SUMF1: variants seen among roughly 807,000 people sequenced by gnomAD.
SUMF1 encodes formylglycine-generating enzyme.
SUMF1 carries 48 observed loss-of-function variants against 47.6 expected under a neutral mutation model. That is an observed-to-expected ratio of 1.01 (90% confidence interval 0.80 to 1.28). The LOEUF (loss-of-function observed/expected upper bound fraction) is 1.28, where lower values mean the gene tolerates loss of function less well. Ranked by LOEUF, SUMF1 falls within the 50% of genes most tolerant of loss-of-function variation. The pLI, the probability that SUMF1 is intolerant of heterozygous loss-of-function variation, is 0.00. For missense variants in SUMF1, 571 were observed against 485.4 expected (o/e 1.18, Z -1.66); for synonymous variants, 230 against 192.1 (o/e 1.20, Z -1.63).
Position 4,278,028 on chromosome 3 carries a change from G to T in SUMF1, c.1014+98302C>A, listed in dbSNP as rs561630940. On this transcript the variant is annotated intron_variant and NMD_transcript_variant, in intron 8 of 12. Transcript: ENST00000448413. ...AACTACAAAATGAATTTCTTTTTTC[G>T]CTACAACACAAGAGAGGAGTTTGGT... 2.6e-5 allele frequency among the ~76,000 whole-genome samples: 4 copies of T among 151,816 alleles called. No individual in the cohort carries two copies. The East Asian group carries it at 7.7e-4, about 29-fold the overall frequency.
At chr3:4,192,379 T>C (rs908445286) in intron 8 of SUMF1, among the ~76,000 whole-genome samples, 1 of 152,152 alleles carries the variant, frequency 6.6e-6, no homozygotes, top group Non-Finnish European at 1.5e-5. Flanking sequence ...AAATTATTTC[T>C]AAGGCAACCT....
At chr3:4,227,078 G>T (rs544284012) in intron 8 of SUMF1, among the ~76,000 whole-genome samples, 97 of 152,136 alleles carry the variant, frequency 6.4e-4, no homozygotes, top group African/African-American at 2.3e-3. Context: ...AACAACCCCT[G>T]CCCCATTCTA....
intron 8 of SUMF1, among the ~76,000 whole-genome samples, chr3:4,307,613 A>G (rs1208822626): frequency 1.3e-5 from 2 of 152,234 alleles, no homozygotes; most frequent in Non-Finnish European, 2.9e-5. Context: ...CAGTGCTTCA[A>G]GGATCTGATT....
At chr3:4,265,113 G>T (rs1197539338) in intron 8 of SUMF1, among the ~76,000 whole-genome samples, 1 of 147,626 alleles carries the variant, frequency 6.8e-6, no homozygotes, top group South Asian at 2.2e-4. Flanking sequence ...CTCCAGACTG[G>T]GTGACAGAGC....
chr3:4,110,436 A>G (rs988224095), intron 8 of SUMF1, among the ~76,000 whole-genome samples: 5 of 152,016 alleles, frequency 3.3e-5, no homozygotes, highest in Non-Finnish European at 5.9e-5. Flanking sequence ...ACAGTGCGGC[A>G]ATTCCTCAGG....
At chr3:4,106,003 A>AT (rs111348939) in intron 8 of SUMF1, among the ~76,000 whole-genome samples, 280 of 149,012 alleles carry the variant, frequency 1.9e-3, no homozygotes, top group African/African-American at 2.5e-3. Flanking sequence ...CCTCTACTTC[A>AT]TTTTTTTTTT....
intron 8 of SUMF1, among the ~76,000 whole-genome samples, chr3:4,217,778 G>C (rs551252256): frequency 6.7e-6 from 1 of 150,028 alleles, no homozygotes; most frequent in Admixed American, 6.7e-5. Context: ...CACAAGAAAA[G>C]AATAAGATAT....
At chr3:4,243,494 T>C (rs1273183451) in intron 8 of SUMF1, among the ~76,000 whole-genome samples, 1 of 152,220 alleles carries the variant, frequency 6.6e-6, no homozygotes, top group Non-Finnish European at 1.5e-5. Context: ...AGAACATCTT[T>C]ATTTCTGCCT....
intron 8 of SUMF1, among the ~76,000 whole-genome samples, chr3:4,305,989 G>A (rs1698172477): frequency 6.6e-6 from 1 of 152,190 alleles, no homozygotes; most frequent in Non-Finnish European, 1.5e-5. Context: ...AAAAACCACT[G>A]TTCTAGTCCA....
At chr3:4,114,566 G>T (rs532360666) in intron 8 of SUMF1, among the ~76,000 whole-genome samples, 1 of 152,036 alleles carries the variant, frequency 6.6e-6, no homozygotes, top group Admixed American at 6.6e-5. Flanking sequence ...CATTTTGTAA[G>T]TACTTTAAGT....
At chr3:4,212,466 CA>C (rs1559571616) in intron 8 of SUMF1, among the ~76,000 whole-genome samples, 2 of 152,070 alleles carry the variant, frequency 1.3e-5, no homozygotes. Context: ...GAAACAAGCA[CA>C]AAAAGTCTGA....
At chr3:4,171,235 G>T (rs1694825888) in intron 8 of SUMF1, among the ~76,000 whole-genome samples, 1 of 152,164 alleles carries the variant, frequency 6.6e-6, no homozygotes, top group Non-Finnish European at 1.5e-5. Flanking sequence ...GAGTATTGCA[G>T]ATGCTCTGCG....
At chr3:4,137,926 C>G (rs1484647973) in intron 8 of SUMF1, among the ~76,000 whole-genome samples, 1 of 152,036 alleles carries the variant, frequency 6.6e-6, no homozygotes, top group Non-Finnish European at 1.5e-5. Flanking sequence ...CACACACACA[C>G]ACACACATTA....
rs2819561 is a variant in SUMF1 at position 4,362,083 on chromosome 3, A to G, written c.*61T>C. 0.57 allele frequency: 861,833 copies of G among 1,502,606 alleles called. 252,077 individuals are homozygous for G. Among genetic ancestry groups the G allele is most frequent in the East Asian group, 0.77 (34,071 of 44,168 alleles). The allele number at this position is 1,502,606 out of a possible 1,614,324, so 93.1% of individuals were successfully genotyped here. The stretch of plus-strand genomic sequence containing the variant: ...GCATGGGATCGTTCAAAGTTCTGAG[A>G]AAAGCCCAATGTAGGTCAGACACGA... On this transcript the variant is annotated 3_prime_UTR_variant, in exon 9 of 9. Transcript: ENST00000272902.
At chr3:4,303,419 T>C (rs757683573) in intron 8 of SUMF1, 11 of 1,554,178 alleles carry the variant, frequency 7.1e-6, no homozygotes, top group Non-Finnish European at 9.5e-6. Flanking sequence ...GATGGCGGAG[T>C]TTAAGGAGAA....
At chr3:4,350,752 C>G (rs1367991934) in intron 8 of SUMF1, among the ~76,000 whole-genome samples, 1 of 151,998 alleles carries the variant, frequency 6.6e-6, no homozygotes, top group African/African-American at 2.4e-5. Flanking sequence ...AGGTCACATT[C>G]TCTATCTCCT....
At chr3:4,448,686 C>T (rs1017093922) in intron 3 of SUMF1, among the ~76,000 whole-genome samples, 1 of 152,192 alleles carries the variant, frequency 6.6e-6, no homozygotes, top group African/African-American at 2.4e-5. Context: ...TCTACTCCAC[C>T]GTTTGTTTCC....
intron 8 of SUMF1, among the ~76,000 whole-genome samples, chr3:4,171,884 G>C (rs138102531): frequency 2.0e-5 from 3 of 152,006 alleles, no homozygotes; most frequent in East Asian, 3.9e-4. Flanking sequence ...AGAGGAATGA[G>C]ACAGTAGTCC....
At chr3:4,255,970 G>A (rs1319621753) in intron 8 of SUMF1, among the ~76,000 whole-genome samples, 3 of 144,282 alleles carry the variant, frequency 2.1e-5, no homozygotes, top group African/African-American at 8.0e-5. Context: ...GTCACTCAAA[G>A]CCGCTCAACT....
Sources: gnomAD v4.1 joint callset for allele counts (sites outside exome capture counted in the v4.1 genomes callset) on GRCh38, gnomAD v4.1.1 for gene constraint, MANE v1.5 for transcripts, NCBI Gene and HGNC (gene_info 2026-07-23, HGNC 2026-07-21) for gene names.